Variants in MID1 observed in about 807,000 individuals in gnomAD.
MID1 encodes midline 1.
A neutral mutation model predicts 40.4 loss-of-function variants in MID1; 7 were observed. The observed-to-expected ratio is 0.17, with a 90% CI of 0.10 to 0.33. The LOEUF is 0.33. MID1 is among the 10% of genes least tolerant of loss of function. MID1 has a pLI of 1.00. For synonymous variants in MID1, 229 were observed against 221.2 expected (o/e 1.04, Z -0.31); for missense variants, 367 against 558.5 (o/e 0.66, Z 3.46).
In MID1 at chrX:10,501,450, C is replaced by T. The variant is rs773586334; in HGVS notation, c.757-5759G>A. The T allele has an allele frequency of 1.3e-5, 15 of 1,153,401 alleles. No homozygotes were observed. In the South Asian group the frequency reaches 2.5e-4, roughly 19 times the overall value. ...CAGTTTTCTTTCGCGTCTTGAAATG[C>T]ATCTTCTCCCCATCAGTCTTGCCTG... On this transcript the variant is annotated intron_variant, in intron 3 of 9. Transcript: ENST00000317552.
At chrX:10,729,953 G>A (rs960267102) in intron 1 of MID1, among the ~76,000 whole-genome samples, 9 of 109,154 alleles carry the variant, frequency 8.2e-5, no homozygotes, top group Non-Finnish European at 1.9e-5. Context: ...GCGTGGTGGC[G>A]GGCACCTGTA....
At chrX:10,652,346 T>G (rs920666475) in intron 1 of MID1, among the ~76,000 whole-genome samples, 5 of 111,444 alleles carry the variant, frequency 4.5e-5, no homozygotes, top group Admixed American at 9.5e-5. Flanking sequence ...CATGGTTTTT[T>G]GTTGTTGTTG....
At chrX:10,658,105 T>C (rs1185517297) in intron 1 of MID1, among the ~76,000 whole-genome samples, 3 of 111,314 alleles carry the variant, frequency 2.7e-5, no homozygotes, top group Non-Finnish European at 3.8e-5. Context: ...ATTATTCTTC[T>C]ACCAAAGAGT....
intron 1 of MID1, among the ~76,000 whole-genome samples, chrX:10,586,335 G>C (rs1935141763): frequency 9.0e-6 from 1 of 111,462 alleles, no homozygotes. Context: ...GTTAGCTTCT[G>C]GGTGTGACTG....
At chrX:10,534,616 T>C (rs1346077894) in intron 2 of MID1, among the ~76,000 whole-genome samples, 1 of 111,926 alleles carries the variant, frequency 8.9e-6, no homozygotes, top group Non-Finnish European at 1.9e-5. Flanking sequence ...ATTATTAAAA[T>C]TCAATACATG....
chrX:10,667,840 A>G (rs2042960210), intron 1 of MID1, among the ~76,000 whole-genome samples: 1 of 112,234 alleles, frequency 8.9e-6, no homozygotes, highest in Admixed American at 9.4e-5. Flanking sequence ...ATTTAACTCA[A>G]CTACTCCATA....
At chrX:10,753,806 T>C (rs1271200263) in intron 1 of MID1, among the ~76,000 whole-genome samples, 1 of 112,177 alleles carries the variant, frequency 8.9e-6, no homozygotes, top group Non-Finnish European at 1.9e-5. Context: ...TATTGGTAGG[T>C]GGCAAACTGG....
chrX:10,657,824 CT>C (rs1210887788), intron 1 of MID1, among the ~76,000 whole-genome samples: 1 of 112,027 alleles, frequency 8.9e-6, no homozygotes. Context: ...GAAACATTGA[CT>C]TTTGGGTTGT....
At chrX:10,809,371 G>A (rs1338274975) in intron 1 of MID1, among the ~76,000 whole-genome samples, 8 of 111,727 alleles carry the variant, frequency 7.2e-5, no homozygotes, top group Non-Finnish European at 1.1e-4. Context: ...ACAGTGTGGC[G>A]ATTCCTCAAG....
intron 1 of MID1, among the ~76,000 whole-genome samples, chrX:10,665,909 A>AGAAAAT (rs2042946996): frequency 9.1e-6 from 1 of 109,825 alleles, no homozygotes; most frequent in Non-Finnish European, 1.9e-5. Flanking sequence ...TCTGTGACAC[A>AGAAAAT]CGTGACCTGA....
chrX:10,754,849 CTTATT>C lies in MID1; in HGVS notation c.-187+78700_-187+78704del, dbSNP rs1046706842. The stretch of plus-strand genomic sequence containing the variant: ...GTTGCAAAATATATTAAACATAATT[CTTATT>C]TTTATTGTTTTGCTAGGTAGCTAAA... On this transcript the variant is annotated intron_variant, in intron 1 of 10. Transcript: ENST00000380785. Among the ~76,000 whole-genome samples the C allele has an allele frequency of 3.6e-5, 4 of 111,923 alleles. No individual in the cohort carries two copies. The Admixed American group carries it at 3.8e-4, about 11-fold the overall frequency.
intron 1 of MID1, among the ~76,000 whole-genome samples, chrX:10,822,279 G>T (rs192322973): frequency 9.0e-6 from 1 of 111,385 alleles, no homozygotes; most frequent in East Asian, 2.8e-4. Flanking sequence ...GGGAGAACTG[G>T]CTAGCCATAT....
intron 8 of MID1, among the ~76,000 whole-genome samples, chrX:10,456,432 G>C (rs963611826): frequency 8.9e-6 from 1 of 112,706 alleles, no homozygotes; most frequent in African/African-American, 3.2e-5. Context: ...GTAAATGAAT[G>C]GGTGTGGCTA....
chrX:10,805,667 A>G (rs1175956699), intron 1 of MID1, among the ~76,000 whole-genome samples: 1 of 82,978 alleles, frequency 1.2e-5, no homozygotes, highest in Non-Finnish European at 2.3e-5. Flanking sequence ...CAATGGTTGA[A>G]CTAGTTTACA....
At chrX:10,786,429 A>G (rs1477210783) in intron 1 of MID1, among the ~76,000 whole-genome samples, 3 of 111,324 alleles carry the variant, frequency 2.7e-5, no homozygotes, top group Non-Finnish European at 5.7e-5. Context: ...AGGGATCTAC[A>G]ACTAGAAATA....
chrX:10,745,686 G>A (rs1439658829), intron 1 of MID1, among the ~76,000 whole-genome samples: 1 of 112,544 alleles, frequency 8.9e-6, no homozygotes, highest in African/African-American at 3.2e-5. Flanking sequence ...TTAAGAAGTG[G>A]TAAAAATGGA....
chrX:10,805,392 A>G (rs1050067906), intron 1 of MID1, among the ~76,000 whole-genome samples: 5 of 107,844 alleles, frequency 4.6e-5, no homozygotes, highest in Non-Finnish European at 3.8e-5. Context: ...CCTATAAAGG[A>G]CATGAACTCA....
chrX:10,598,835 C>T (rs1935463225), intron 1 of MID1, among the ~76,000 whole-genome samples: 1 of 111,887 alleles, frequency 8.9e-6, no homozygotes, highest in Admixed American at 9.4e-5. Flanking sequence ...CTTGTGAGAC[C>T]CTGAGCAGAG....
At chrX:10,653,654 A>G (rs1277759981) in intron 1 of MID1, among the ~76,000 whole-genome samples, 2 of 113,114 alleles carry the variant, frequency 1.8e-5, no homozygotes, top group African/African-American at 6.4e-5. Flanking sequence ...TGAAAACTCA[A>G]AGAGTTGAAA....
Sources: gnomAD v4.1 joint callset for allele counts (sites outside exome capture counted in the v4.1 genomes callset) on GRCh38, gnomAD v4.1.1 for gene constraint, MANE v1.5 for transcripts, NCBI Gene and HGNC (gene_info 2026-07-23, HGNC 2026-07-21) for gene names.